The following MPHOSPH9 variants were observed in gnomAD, a reference collection of about 807,000 sequenced individuals.
The protein encoded by MPHOSPH9 is M-phase phosphoprotein 9.
Under a neutral mutation model 145.5 loss-of-function variants are expected in MPHOSPH9, and 88 were observed. The ratio of observed to expected loss-of-function variants is 0.60; its 90% CI spans 0.51 to 0.72. MPHOSPH9 has a LOEUF of 0.72. MPHOSPH9 is among the 30% of genes least tolerant of loss of function. The probability of loss-of-function intolerance (pLI) is 0.00; values close to 1 mark genes in which losing one functional copy is unlikely to be tolerated. For missense variants in MPHOSPH9, 1,238 were observed against 1,386.6 expected (o/e 0.89, Z 1.70); for synonymous variants, 435 against 486.2 (o/e 0.89, Z 1.39).
intron 13 of MPHOSPH9, among the ~76,000 whole-genome samples, chr12:123,184,098 G>A (rs1285907547): frequency 6.6e-6 from 1 of 151,454 alleles, no homozygotes; most frequent in Non-Finnish European, 1.5e-5. Flanking sequence ...CCCAGCTACT[G>A]GGGAGGCTGA....
intron 13 of MPHOSPH9, among the ~76,000 whole-genome samples, chr12:123,193,071 CAAAAAAAAAAAAAAAA>C: frequency 3.4e-5 from 1 of 29,592 alleles, no homozygotes; most frequent in South Asian, 1.4e-3. Flanking sequence ...GATTGTCTTT[CAAAAAAAAAAAAAAAA>C]AAAAAAAAAA....
At chr12:123,221,208 A>C (rs1205169378) in intron 5 of MPHOSPH9, among the ~76,000 whole-genome samples, 164 bp downstream of exon 5, 2 of 152,252 alleles carry the variant, frequency 1.3e-5, no homozygotes, top group East Asian at 3.8e-4. Flanking sequence ...AGATGGGAAG[A>C]AAGTCAGTGT....
At chr12:123,211,684 CTTTTTTTTTTTTTT>C (rs147321517) in intron 7 of MPHOSPH9, among the ~76,000 whole-genome samples, 1 of 67,756 alleles carries the variant, frequency 1.5e-5, no homozygotes, top group Non-Finnish European at 3.1e-5. Context: ...TAGACAATTT[CTTTTTTTTTTTTTT>C]TTTTTTTTTT....
chr12:123,229,886 A>G (rs1270792896), intron 2 of MPHOSPH9, among the ~76,000 whole-genome samples: 8 of 149,088 alleles, frequency 5.4e-5, no homozygotes, highest in Non-Finnish European at 1.5e-5. Context: ...CAGTGGCGCA[A>G]TCTTGGCTCA....
chr12:123,163,186 A>G (rs762662623), intron 19 of MPHOSPH9, 52 bp from the exon 20 acceptor site: 1 of 1,480,782 alleles, frequency 6.8e-7, no homozygotes, highest in Non-Finnish European at 9.1e-7. Context: ...ATGTATCAGC[A>G]TAACAGTTTC....
intron 11 of MPHOSPH9, among the ~76,000 whole-genome samples, chr12:123,199,586 C>T (rs1193024341): frequency 2.0e-5 from 3 of 151,958 alleles, no homozygotes; most frequent in Non-Finnish European, 4.4e-5. Context: ...CGAGACCATC[C>T]TGGCTAAACC....
At position 123,202,616 on chromosome 12, in the gene MPHOSPH9, A is replaced by C. The variant is rs371542782; in HGVS notation, c.1781+8T>G. On this transcript the variant is annotated splice_region_variant and intron_variant, in intron 10 of 23. Coordinates refer to ENST00000606320, the MANE Select transcript of MPHOSPH9 (RefSeq NM_022782.4). ...TTAACATTACAAGCCATTCACTGAAATACATACTTAGACAATATCACAGGA... is the reference window on the plus strand; with the variant it reads ...TTAACATTACAAGCCATTCACTGAACTACATACTTAGACAATATCACAGGA... 8.7e-6 allele frequency: 14 copies of C among 1,604,304 alleles called. No individual in the cohort carries two copies. Among genetic ancestry groups the C allele is most frequent in the African/African-American group, 1.3e-5 (1 of 74,648 alleles).
intron 1 of MPHOSPH9, among the ~76,000 whole-genome samples, chr12:123,243,302 G>A (rs919047015): frequency 1.3e-5 from 2 of 151,732 alleles, no homozygotes; most frequent in East Asian, 1.9e-4. Flanking sequence ...AGGCCGAGGC[G>A]GGCGGATCAC....
rs371715200 is a variant in MPHOSPH9, at chr12:123,165,335, C to T, written c.2734G>A (p.Gly912Arg). ...GTGTCCTCTTTCTCTGTCTGTGTCC[C>T]CCAATTTTTAAATATTTTTCCCTCA... is the stretch of plus-strand genomic sequence containing the variant. ...LDEGKIFKNW[G>R]TQTEKEDTSN... Residue 912 changes from glycine (G) to arginine (R), a missense_variant, in exon 18 of 24, where the codon GGG becomes AGG. Gly to Arg is a moderately radical substitution (Grantham distance 125, BLOSUM62 -2). This residue lies in a region of MPHOSPH9 where 393 missense variants were observed against 462.5 expected (regional missense o/e 0.85). Transcript: ENST00000606320. 2.5e-6 allele frequency: 4 copies of T among 1,613,752 alleles called. No homozygotes were observed. In the South Asian group the frequency reaches 3.3e-5, roughly 13 times the overall value.
At chr12:123,207,092 T>C (rs1373925687) in intron 8 of MPHOSPH9, among the ~76,000 whole-genome samples, 1 of 147,530 alleles carries the variant, frequency 6.8e-6, no homozygotes, top group Non-Finnish European at 1.5e-5. Flanking sequence ...ATAAAACCTA[T>C]GTTTAAGTCT....
chr12:123,221,983 TATG>T, intron 4 of MPHOSPH9, 88 bp from the exon 5 acceptor site: 1 of 729,206 alleles, frequency 1.4e-6, no homozygotes, highest in Non-Finnish European at 2.2e-6. Context: ...TGTTTCAAAA[TATG>T]ATGAGATATT....
chr12:123,189,083 A>G (rs1048002313), intron 13 of MPHOSPH9, among the ~76,000 whole-genome samples: 1 of 152,196 alleles, frequency 6.6e-6, no homozygotes. Flanking sequence ...TTCCAAGGCA[A>G]GGTCATAAAA....
intron 11 of MPHOSPH9, among the ~76,000 whole-genome samples, chr12:123,199,956 T>C (rs988769838): frequency 6.6e-6 from 1 of 152,144 alleles, no homozygotes; most frequent in Non-Finnish European, 1.5e-5. Flanking sequence ...CCACTGTGCA[T>C]TAATGCGGCA....
At chr12:123,203,137 C>T in intron 9 of MPHOSPH9, 53 bp from the exon 10 acceptor site, 1 of 1,587,012 alleles carries the variant, frequency 6.3e-7, no homozygotes, top group East Asian at 2.2e-5. Flanking sequence ...CTTTGTTTTG[C>T]TTGTTTTGAA....
At chr12:123,160,970 C>T (rs1360808447) in intron 22 of MPHOSPH9, 121 bp from the exon 23 acceptor site, 1 of 1,333,382 alleles carries the variant, frequency 7.5e-7, no homozygotes, top group Non-Finnish European at 1.0e-6. Context: ...TAATTTCCCT[C>T]TGTCAATTAG....
At chr12:123,169,416 A>G (rs2044476866) in intron 16 of MPHOSPH9, among the ~76,000 whole-genome samples, 1 of 151,318 alleles carries the variant, frequency 6.6e-6, no homozygotes, top group African/African-American at 2.4e-5. Context: ...GGAGAATGGC[A>G]TAAGCCCAGG....
intron 12 of MPHOSPH9, among the ~76,000 whole-genome samples, chr12:123,196,162 C>CA (rs2045935413): frequency 6.6e-6 from 1 of 152,120 alleles, no homozygotes; most frequent in African/African-American, 2.4e-5. Context: ...CCAGCCTGGC[C>CA]AACATAGTGA....
At chr12:123,212,711 CAA>C (rs542748087) in intron 7 of MPHOSPH9, among the ~76,000 whole-genome samples, 36 of 46,500 alleles carry the variant, frequency 7.7e-4, no homozygotes, top group East Asian at 3.2e-3. Flanking sequence ...AACTCTGTCT[CAA>C]AAAAAAAAAA....
At chr12:123,216,032 T>C (rs2046941879) in intron 6 of MPHOSPH9, among the ~76,000 whole-genome samples, 1 of 152,074 alleles carries the variant, frequency 6.6e-6, no homozygotes, top group African/African-American at 2.4e-5. Context: ...GGTCAGGAGA[T>C]TGGGATTATC....
Sources: gnomAD v4.1 joint callset for allele counts (sites outside exome capture counted in the v4.1 genomes callset) on GRCh38, gnomAD v4.1.1 for gene constraint, gnomAD v4.1.1 regional missense constraint, MANE v1.5 for transcripts, NCBI Gene and HGNC (gene_info 2026-07-23, HGNC 2026-07-21) for gene names.